CCDC60: variants seen among roughly 807,000 people sequenced by gnomAD.
The protein encoded by CCDC60 is coiled-coil domain containing 60.
In CCDC60, 54 loss-of-function variants were observed where a neutral mutation model predicts 63.5. That is an observed-to-expected ratio of 0.85 (90% CI 0.68 to 1.07). CCDC60 has a LOEUF of 1.07. CCDC60 is among the 50% of genes least tolerant of loss of function. CCDC60 has a pLI of 0.00. For missense variants in CCDC60, 651 were observed against 684.3 expected, an observed-to-expected ratio of 0.95 and a Z score of 0.54; for synonymous variants, 206 against 238.8, an observed-to-expected ratio of 0.86 and a Z score of 1.27.
chr12:119,439,292 T>G (rs1213591491), intron 2 of CCDC60, among the ~76,000 whole-genome samples: 1 of 151,970 alleles, frequency 6.6e-6, no homozygotes, highest in Non-Finnish European at 1.5e-5. Flanking sequence ...CACACACACA[T>G]GTGAGAGACA....
At chr12:119,453,033 G>A (rs1396928157) in intron 2 of CCDC60, among the ~76,000 whole-genome samples, 1 of 152,080 alleles carries the variant, frequency 6.6e-6, no homozygotes, top group Non-Finnish European at 1.5e-5. Context: ...CACCATGTTG[G>A]CCAGACTGGT....
intron 6 of CCDC60, among the ~76,000 whole-genome samples, chr12:119,503,496 G>A (rs1951908648): frequency 6.6e-6 from 1 of 152,154 alleles, no homozygotes; most frequent in South Asian, 2.1e-4. Flanking sequence ...TTGAAGATCT[G>A]GTTAAATCCA....
intron 1 of CCDC60, among the ~76,000 whole-genome samples, chr12:119,394,595 A>T (rs545619627): frequency 6.6e-6 from 1 of 152,172 alleles, no homozygotes; most frequent in Admixed American, 6.5e-5. Context: ...AGTAATTCTC[A>T]TGGGTGACCA....
chr12:119,480,103 G>C (rs1433002004), intron 4 of CCDC60, among the ~76,000 whole-genome samples: 2 of 151,368 alleles, frequency 1.3e-5, no homozygotes, highest in East Asian at 3.9e-4. Context: ...GTGATACAAT[G>C]ATTCCAGACT....
At chr12:119,492,920 G>C (rs937911659) in intron 5 of CCDC60, among the ~76,000 whole-genome samples, 1 of 152,196 alleles carries the variant, frequency 6.6e-6, no homozygotes, top group Non-Finnish European at 1.5e-5. Flanking sequence ...CATTGAGACT[G>C]AAGGCTAGGA....
intron 1 of CCDC60, among the ~76,000 whole-genome samples, chr12:119,411,932 T>C (rs1956610186): frequency 6.6e-6 from 1 of 152,118 alleles, no homozygotes; most frequent in Non-Finnish European, 1.5e-5. Flanking sequence ...TCCTACATTG[T>C]AGTTAAGTGT....
chr12:119,485,376 G>A (rs987268303), intron 4 of CCDC60, among the ~76,000 whole-genome samples: 9 of 152,232 alleles, frequency 5.9e-5, no homozygotes, highest in African/African-American at 1.4e-4. Context: ...CTGGAGAGGC[G>A]GACGGGGCCT....
intron 2 of CCDC60, among the ~76,000 whole-genome samples, chr12:119,432,170 G>A (rs1452625879): frequency 2.0e-5 from 3 of 152,272 alleles, no homozygotes; most frequent in Admixed American, 2.0e-4. Flanking sequence ...GGCTTTTGAG[G>A]CTGATGCCTT....
At chr12:119,414,121 C>G (rs1382448224) in intron 1 of CCDC60, among the ~76,000 whole-genome samples, 1 of 151,696 alleles carries the variant, frequency 6.6e-6, no homozygotes, top group African/African-American at 2.4e-5. Flanking sequence ...TGGGTTCAAG[C>G]GATTCTTCTC....
intron 1 of CCDC60, among the ~76,000 whole-genome samples, chr12:119,361,755 T>A (rs1047360954): frequency 2.7e-4 from 41 of 152,284 alleles, no homozygotes; most frequent in African/African-American, 9.4e-4. Flanking sequence ...TTAATCATAT[T>A]TTCAAAAAAC....
intron 13 of CCDC60, 129 bp downstream of exon 13, chr12:119,531,192 G>A: frequency 2.6e-6 from 2 of 758,128 alleles, no homozygotes; most frequent in South Asian, 4.5e-5. Flanking sequence ...TATTCTAATA[G>A]TAGAGGGATT....
chr12:119,495,463 C>T (rs998343952), intron 5 of CCDC60, among the ~76,000 whole-genome samples: 16 of 152,076 alleles, frequency 1.1e-4, no homozygotes, highest in Admixed American at 1.0e-3. Flanking sequence ...TTGCTGTTTG[C>T]CTTAGTATAT....
At chr12:119,472,214 G>A in intron 3 of CCDC60, 50 bp downstream of exon 3, 2 of 1,563,534 alleles carry the variant, frequency 1.3e-6, no homozygotes, top group Non-Finnish European at 1.8e-6. Context: ...AATGACCATT[G>A]AGAGTGAACC....
intron 2 of CCDC60, among the ~76,000 whole-genome samples, chr12:119,458,990 C>T (rs1209732087): frequency 6.6e-6 from 1 of 152,090 alleles, no homozygotes; most frequent in Non-Finnish European, 1.5e-5. Context: ...TCAGGTAATC[C>T]ACCTCCGTCG....
At chr12:119,392,533 T>C (rs1013878278) in intron 1 of CCDC60, among the ~76,000 whole-genome samples, 2 of 152,238 alleles carry the variant, frequency 1.3e-5, no homozygotes, top group Non-Finnish European at 2.9e-5. Context: ...AGAGATGCCA[T>C]GCCAAGTTCT....
At chr12:119,373,069 G>A (rs777103633) in intron 1 of CCDC60, among the ~76,000 whole-genome samples, 7 of 152,154 alleles carry the variant, frequency 4.6e-5, no homozygotes, top group African/African-American at 1.4e-4. Context: ...TTTGGAAAAC[G>A]TGGAATCAGG....
chr12:119,479,318 ATGGAGCCTGGAGC>A (rs1951249311), intron 4 of CCDC60, 117 bp downstream of exon 4: 3 of 683,094 alleles, frequency 4.4e-6, no homozygotes, highest in Non-Finnish European at 7.5e-6. Flanking sequence ...TGAAAGGGAC[ATGGAGCCTGGAGC>A]TGGCAAAGCT....
Position 119,428,637 on chromosome 12 carries a change from A to C in CCDC60, c.91-46A>C, listed in dbSNP as rs368026880. ...CCTGTGCCTATCTCCATTTGGAAGC[A>C]TTGTATTAACACTCCTTTTATTTTA... On this transcript the variant is annotated intron_variant, in intron 1 of 13. Coordinates refer to ENST00000327554, the MANE Select transcript of CCDC60 (RefSeq NM_178499.5). 49 of 1,312,744 alleles carry C rather than the reference A, an allele frequency of 3.7e-5. No homozygotes were observed. In the African/African-American group the frequency reaches 6.6e-4, roughly 18 times the overall value. 81.3% of individuals were successfully genotyped at this position (1,312,744 alleles called of 1,614,324 possible).
intron 9 of CCDC60, among the ~76,000 whole-genome samples, chr12:119,521,818 G>C (rs943015575): frequency 7.2e-5 from 11 of 152,180 alleles, no homozygotes; most frequent in African/African-American, 2.7e-4. Context: ...GGGCCACCAT[G>C]CTCCCCCAAA....
Sources: gnomAD v4.1 joint callset for allele counts (sites outside exome capture counted in the v4.1 genomes callset) on GRCh38, gnomAD v4.1.1 for gene constraint, MANE v1.5 for transcripts, NCBI Gene and HGNC (gene_info 2026-07-23, HGNC 2026-07-21) for gene names.